Variants in GLDC observed in about 807,000 individuals in gnomAD.
GLDC encodes the protein glycine decarboxylase.
Under a neutral mutation model 121.3 loss-of-function variants are expected in GLDC, and 104 were observed. That is an observed-to-expected ratio of 0.86 (90% confidence interval 0.73 to 1.01). GLDC has a LOEUF of 1.01. GLDC is among the 50% of genes least tolerant of loss of function. GLDC has a pLI of 0.00. For missense variants in GLDC, 1,429 were observed against 1,306.6 expected (o/e 1.09, Z -1.44); for synonymous variants, 546 against 480.6 (o/e 1.14, Z -1.78).
intron 15 of GLDC, among the ~76,000 whole-genome samples, chr9:6,573,423 T>C (rs1818002861): frequency 6.6e-6 from 1 of 152,158 alleles, no homozygotes; most frequent in Admixed American, 6.5e-5. Flanking sequence ...ATCGTGCCAC[T>C]GTACTCCAGC....
rs533376605 is a variant in GLDC at position 6,579,977 on chromosome 9, G to C, written c.1850+7164C>G. 6.0e-4 allele frequency among the ~76,000 whole-genome samples: 91 copies of C among 152,264 alleles called. 1 individual carries two copies. The highest frequency in any genetic ancestry group is 2.1e-3 in the African/African-American group (88 of 41,532). On this transcript the variant is annotated intron_variant, in intron 15 of 24. Transcript: ENST00000321612. ...TCTGCAAGCTGTCAGTCCTCTGTTG[G>C]GGGCAGTGGGAGCATCACTGGGAGA...
chr9:6,579,360 C>T (rs1301911634), intron 15 of GLDC, among the ~76,000 whole-genome samples: 1 of 151,976 alleles, frequency 6.6e-6, no homozygotes, highest in Non-Finnish European at 1.5e-5. Context: ...GTTCTCATCC[C>T]CAAATGCTGA....
chr9:6,555,036 G>T, intron 18 of GLDC: 1 of 550,678 alleles, frequency 1.8e-6, no homozygotes, highest in Non-Finnish European at 3.3e-6. Context: ...TTAAAAATAT[G>T]GATTTGAATA....
chr9:6,635,255 C>G (rs778378487), intron 2 of GLDC, among the ~76,000 whole-genome samples: 1 of 152,196 alleles, frequency 6.6e-6, no homozygotes, highest in Non-Finnish European at 1.5e-5. Flanking sequence ...TCTTCTACAT[C>G]TGACTCTCAA....
At chr9:6,596,940 G>C (rs1430677214) in intron 8 of GLDC, among the ~76,000 whole-genome samples, 1 of 152,182 alleles carries the variant, frequency 6.6e-6, no homozygotes, top group Admixed American at 6.5e-5. Context: ...TTACACAGAA[G>C]TGTTCACAGC....
chr9:6,583,361 T>C (rs1365715973), intron 15 of GLDC, among the ~76,000 whole-genome samples: 2 of 152,150 alleles, frequency 1.3e-5, no homozygotes, highest in African/African-American at 4.8e-5. Flanking sequence ...GCTATATATA[T>C]GCAATGAAAT....
chr9:6,641,982 A>G (rs1024772574), intron 2 of GLDC, among the ~76,000 whole-genome samples: 1 of 152,190 alleles, frequency 6.6e-6, no homozygotes, highest in African/African-American at 2.4e-5. Context: ...TACATGCACC[A>G]ATTTGCTCTC....
intron 20 of GLDC, among the ~76,000 whole-genome samples, chr9:6,551,300 A>T (rs1817509522): frequency 6.6e-6 from 1 of 152,138 alleles, no homozygotes; most frequent in South Asian, 2.1e-4. Flanking sequence ...ATCCGATGGG[A>T]TCTGGGCCAA....
Position 6,545,109 on chromosome 9 carries a change from A to G in GLDC, c.2570-4963T>C, listed in dbSNP as rs5896158. Among the ~76,000 whole-genome samples the G allele has an allele frequency of 2.3e-4, 4 of 17,268 alleles. No homozygotes were observed. The African/African-American group carries it at 2.5e-3, about 11-fold the overall frequency. The allele number at this position is 17,268 out of a possible 152,430, so 11.3% of individuals were successfully genotyped here. A position where few individuals can be genotyped will look rare whatever the true frequency, so the allele number is the denominator to read the frequency against. On this transcript the variant is annotated intron_variant, in intron 21 of 24. Transcript: ENST00000321612. ...AGCGAAACTCTGTCTCAAAAAAAAG[A>G]AAAAAAAAAAAGTATCATCTTACCT...
intron 4 of GLDC, among the ~76,000 whole-genome samples, chr9:6,608,690 G>A (rs893912853): frequency 6.6e-6 from 1 of 152,110 alleles, no homozygotes; most frequent in African/African-American, 2.4e-5. Flanking sequence ...AGCTTGCAGT[G>A]AGCAGAGATC....
At chr9:6,594,026 T>C (rs1818438556) in intron 9 of GLDC, among the ~76,000 whole-genome samples, 1 of 151,950 alleles carries the variant, frequency 6.6e-6, no homozygotes, top group Admixed American at 6.6e-5. Flanking sequence ...GTGGTCTCGC[T>C]CTTGCCCACG....
In GLDC at chr9:6,644,936, C is replaced by G. The variant is rs1819709197; in HGVS notation, c.256-244G>C. 12 of 613,852 alleles carry G rather than the reference C, an allele frequency of 2.0e-5. No individual in the cohort carries two copies. The South Asian group carries it at 2.4e-4, about 12-fold the overall frequency. The allele number at this position is 613,852 out of a possible 1,614,324, so 38.0% of individuals were successfully genotyped here. A position where few individuals can be genotyped will look rare whatever the true frequency, so the allele number is the denominator to read the frequency against. The stretch of plus-strand genomic sequence containing the variant: ...CAACCGGAGCTAACCGGTAAGCCCA[C>G]TCTTAATCAGGGGGTCTTCCTCCTC... On this transcript the variant is annotated intron_variant, in intron 1 of 24. Coordinates refer to ENST00000321612, the MANE Select transcript of GLDC (RefSeq NM_000170.3).
intron 4 of GLDC, among the ~76,000 whole-genome samples, chr9:6,609,024 C>T (rs1818796547): frequency 6.6e-6 from 1 of 152,232 alleles, no homozygotes; most frequent in East Asian, 1.9e-4. Flanking sequence ...CCCACCCCAA[C>T]TCTGCATAAG....
At chr9:6,538,832 G>A (rs1006162307) in intron 22 of GLDC, among the ~76,000 whole-genome samples, 1 of 152,236 alleles carries the variant, frequency 6.6e-6, no homozygotes, top group Non-Finnish European at 1.5e-5. Context: ...CCGGGAGGCT[G>A]TCAGGGGAAA....
chr9:6,535,972 T>C, intron 23 of GLDC, 92 bp downstream of exon 23: 2 of 1,052,178 alleles, frequency 1.9e-6, no homozygotes, highest in Non-Finnish European at 3.0e-6. Flanking sequence ...AGTATCATCC[T>C]CAGTTGAGAG....
rs759852256 is a variant in GLDC, at chr9:6,565,370, C to T, written c.1910G>A (p.Gly637Glu). ...ATIRAYLNQKGEGHRTVCLIP... is the reference protein window; with the variant it reads ...ATIRAYLNQKEEGHRTVCLIP... ...CATACTCACCGTTCTGTGCCCCTCT[C>T]CTTTCTGGTTTAAGTAGGCTCGGAT... Residue 637 changes from glycine to glutamate, a missense_variant, in exon 16 of 25, where the codon GGA (glycine) becomes GAA (glutamate). Physicochemically the swap from Gly to Glu is moderately conservative, Grantham distance 98. Coordinates refer to ENST00000321612, the MANE Select transcript of GLDC (RefSeq NM_000170.3). 6.2e-7 allele frequency: 1 copy of T among 1,613,414 alleles called. No individual in the cohort carries two copies.
chr9:6,553,572 G>A (rs528357063), intron 19 of GLDC, 63 bp from the exon 20 acceptor site: 9 of 1,521,882 alleles, frequency 5.9e-6, no homozygotes, highest in Admixed American at 1.7e-5. Flanking sequence ...TAATGGGAAG[G>A]TTCTGGGCCC....
intron 2 of GLDC, among the ~76,000 whole-genome samples, chr9:6,641,377 G>A (rs1189837691): frequency 2.0e-5 from 3 of 152,260 alleles, no homozygotes; most frequent in Non-Finnish European, 4.4e-5. Context: ...ATATGGCAGG[G>A]TGATTCTAGT....
At chr9:6,565,161 T>C (rs1266870246) in intron 16 of GLDC, among the ~76,000 whole-genome samples, 193 bp downstream of exon 16, 1 of 152,250 alleles carries the variant, frequency 6.6e-6, no homozygotes, top group African/African-American at 2.4e-5. Flanking sequence ...TGAATGTTTT[T>C]CCTCAAAATG....
Sources: allele counts gnomAD v4.1 joint callset (sites outside exome capture counted in the v4.1 genomes callset), GRCh38; gene constraint gnomAD v4.1.1; transcripts MANE v1.5; gene names NCBI Gene and HGNC (gene_info 2026-07-23, HGNC 2026-07-21).